Variants in MTERF4 observed in about 807,000 individuals in gnomAD.
MTERF4 encodes transcription termination factor 4, mitochondrial.
Under a neutral mutation model 22.5 loss-of-function variants are expected in MTERF4, and 17 were observed. That is an observed-to-expected ratio of 0.75 (90% confidence interval 0.52 to 1.13). The LOEUF is 1.13. Among genes scored for constraint, MTERF4 ranks in the 50% most tolerant of loss-of-function variants. The probability of loss-of-function intolerance (pLI) is 0.00; values close to 1 mark genes in which losing one functional copy is unlikely to be tolerated. For synonymous variants in MTERF4, 165 were observed against 175.3 expected (o/e 0.94, Z 0.47); for missense variants, 420 against 466.8 (o/e 0.90, Z 0.92).
the MTERF4 span, chr2:241,051,375 T>G: frequency 3.9e-5 from 8 of 207,194 alleles, no homozygotes; most frequent in East Asian, 1.0e-4. This position sits in a 1 kb window ranked among gnomAD's most constrained non-coding sequence, Gnocchi z 4.7. Flanking sequence ...TCACGGCAGA[T>G]GAGACTCAGC....
At chr2:241,072,684 C>T (rs1412184341) in exon 5 of MTERF4, 1 of 202,800 alleles carries the variant, frequency 4.9e-6, no homozygotes, top group Non-Finnish European at 1.0e-5. Context: ...AGCAAGGTGT[C>T]TGAGGAGAGG....
chr2:241,059,336 C>G, the MTERF4 span, among the ~76,000 whole-genome samples: 7 of 152,244 alleles, frequency 4.6e-5, no homozygotes, highest in Non-Finnish European at 8.8e-5. Context: ...CAACTTTGTA[C>G]AACCTCTTTT....
chr2:241,093,811 T>C (rs2064205897), downstream of MTERF4: 1 of 152,400 alleles, frequency 6.6e-6, no homozygotes, highest in Admixed American at 6.5e-5. Context: ...TTTTAAAAAC[T>C]CAAATGGCTT....
downstream of MTERF4, among the ~76,000 whole-genome samples, chr2:241,067,175 C>T (rs1023176733): frequency 4.6e-5 from 7 of 152,184 alleles, no homozygotes; most frequent in African/African-American, 1.2e-4. Flanking sequence ...TGGAAGGGAC[C>T]GCTGTCCACA....
At chr2:241,046,577 A>T in the MTERF4 span, among the ~76,000 whole-genome samples, 1 of 152,234 alleles carries the variant, frequency 6.6e-6, no homozygotes, top group Non-Finnish European at 1.5e-5. Flanking sequence ...TGGTTCCACT[A>T]AATGGCATTC....
In MTERF4 at chr2:241,096,440, T is replaced by TTA; in HGVS notation, c.706-3_706-2insTA. ...AATTCCCATCCTGAAGTATGCATAC[T>TTA]GGAAGACACAAACACACTTAGGAGT... On this transcript the variant is annotated splice_region_variant and splice_polypyrimidine_tract_variant and intron_variant, in intron 3 of 3. Transcript: ENST00000391980. This position sits in a 1 kb window ranked among gnomAD's most constrained non-coding sequence, Gnocchi z 5.1. 6.2e-7 allele frequency: 1 copy of TTA among 1,613,650 alleles called. No individual in the cohort carries two copies. Among genetic ancestry groups the TTA allele is most frequent in the Non-Finnish European group, 8.5e-7 (1 of 1,179,784 alleles).
chr2:241,072,850 T>G, exon 5 of MTERF4: 2 of 213,922 alleles, frequency 9.3e-6, no homozygotes, highest in Non-Finnish European at 1.9e-5. Context: ...GGCGAGGGCA[T>G]GAGGAAGGTC....
chr2:241,065,971 T>G, the MTERF4 span, among the ~76,000 whole-genome samples: 1 of 151,974 alleles, frequency 6.6e-6, no homozygotes, highest in East Asian at 1.9e-4. Context: ...GCTGGGACTC[T>G]GGGGTGCTCT....
chr2:241,051,669 T>A, the MTERF4 span: 1 of 1,203,526 alleles, frequency 8.3e-7, no homozygotes, highest in Non-Finnish European at 1.1e-6. The surrounding 1 kb of genome is among the most constrained non-coding windows in gnomAD (Gnocchi z 4.7). Flanking sequence ...ACTGAGGAGA[T>A]GCCAGGAGGG....
At chr2:241,082,504 T>C, downstream of MTERF4, 1 of 633,958 alleles carries the variant, frequency 1.6e-6, no homozygotes, top group Non-Finnish European at 2.8e-6. Flanking sequence ...TGACCATCGA[T>C]TCCCTCCATG....
At chr2:241,055,112 G>A in the MTERF4 span, among the ~76,000 whole-genome samples, 1 of 147,524 alleles carries the variant, frequency 6.8e-6, no homozygotes, top group Admixed American at 6.8e-5. Context: ...GTAAGACTCT[G>A]TCTCAAAAAA....
At chr2:241,067,726 G>A (rs2062520773), downstream of MTERF4, 5 of 1,555,690 alleles carry the variant, frequency 3.2e-6, no homozygotes, top group Non-Finnish European at 3.5e-6. Flanking sequence ...CAGGAGCAAG[G>A]AGGGGCCGGC....
chr2:241,096,049 GTCGTCCTCATCA>G lies in MTERF4; in HGVS notation c.1083_1094del (p.Asp364_Glu367del), dbSNP rs1559336316. The G allele has an allele frequency of 6.2e-7, 1 of 1,613,488 alleles. No homozygotes were observed. On this transcript the variant is annotated inframe_deletion, in exon 4 of 4. Transcript: ENST00000391980. The surrounding 1 kb of genome is among the most constrained non-coding windows in gnomAD (Gnocchi z 5.1). ...CCTCATCATTGTCCTCCGCCTCGTC[GTCGTCCTCATCA>G]TCGTCATCCTCATCATTGTCATCCT...
At chr2:241,063,814 C>A in the MTERF4 span, 3 of 887,266 alleles carry the variant, frequency 3.4e-6, no homozygotes, top group Non-Finnish European at 5.2e-6. Flanking sequence ...GGAGAGGGAC[C>A]CCCAGGGCTG....
At chr2:241,063,539 G>A in the MTERF4 span, 13 of 1,259,198 alleles carry the variant, frequency 1.0e-5, no homozygotes, top group African/African-American at 3.0e-5. Flanking sequence ...GCATGTGGGC[G>A]CCTCAGACTT....
downstream of MTERF4, among the ~76,000 whole-genome samples, chr2:241,091,310 G>A (rs1483956099): frequency 1.3e-5 from 2 of 152,224 alleles, no homozygotes; most frequent in Admixed American, 6.5e-5. This position sits in a 1 kb window ranked among gnomAD's most constrained non-coding sequence, Gnocchi z 4.1. Context: ...TTACCGGAAG[G>A]AGGAGGGCAG....
chr2:241,048,372 G>A, the MTERF4 span: 1 of 1,611,986 alleles, frequency 6.2e-7, no homozygotes. Flanking sequence ...GGGGGCACCT[G>A]TGTGGATGCG....
rs1050113312 is a variant in MTERF4 at position 241,096,556 on chromosome 2, A to G, written c.706-118T>C. 1.0e-5 allele frequency: 11 copies of G among 1,065,488 alleles called. No homozygotes were observed. In the African/African-American group the frequency reaches 1.6e-4, roughly 15 times the overall value. The allele number at this position is 1,065,488 out of a possible 1,614,324, so 66.0% of individuals were successfully genotyped here. ...TTCAAAAAGAATTGCCTAATTGACA[A>G]CAGCGAATACCCAGTCTAGGATACT... On this transcript the variant is annotated intron_variant, in intron 3 of 3. Transcript: ENST00000391980. The surrounding 1 kb of genome is among the most constrained non-coding windows in gnomAD (Gnocchi z 5.1).
the MTERF4 span, among the ~76,000 whole-genome samples, chr2:241,043,899 T>C: frequency 1.3e-5 from 2 of 152,206 alleles, no homozygotes; most frequent in Non-Finnish European, 2.9e-5. Flanking sequence ...ATTTGGTCTG[T>C]GGGTTATAGT....
Sources: gnomAD v4.1 joint callset for allele counts (sites outside exome capture counted in the v4.1 genomes callset) on GRCh38, gnomAD v4.1.1 for gene constraint, Gnocchi (gnomAD v3.1) non-coding constraint, MANE v1.5 for transcripts, NCBI Gene and HGNC (gene_info 2026-07-23, HGNC 2026-07-21) for gene names.